ADAM23: variants seen among roughly 807,000 people sequenced by gnomAD.
ADAM23 encodes ADAM metallopeptidase domain 23.
In ADAM23, 33 loss-of-function variants were observed where a neutral mutation model predicts 120.1. That is an observed-to-expected ratio of 0.27 (90% confidence interval 0.21 to 0.37). The LOEUF is 0.37. Ranked by LOEUF, ADAM23 falls within the 10% of genes least tolerant of loss-of-function variation. The probability of loss-of-function intolerance (pLI) is 1.00; values close to 1 mark genes in which losing one functional copy is unlikely to be tolerated. For synonymous variants in ADAM23, 367 were observed against 375.2 expected (o/e 0.98, Z 0.25); for missense variants, 862 against 1,058.2 (o/e 0.81, Z 2.57).
At chr2:206,452,955 C>T (rs547990105) in intron 2 of ADAM23, among the ~76,000 whole-genome samples, 1 of 152,328 alleles carries the variant, frequency 6.6e-6, no homozygotes, top group South Asian at 2.1e-4. Flanking sequence ...ATCCATCAGT[C>T]CCACTGCTGA....
At chr2:206,464,631 A>G (rs965037153) in intron 2 of ADAM23, among the ~76,000 whole-genome samples, 1 of 151,530 alleles carries the variant, frequency 6.6e-6, no homozygotes, top group African/African-American at 2.4e-5. Context: ...GTGTTGAGGC[A>G]ACACATCTAG....
Position 206,460,764 on chromosome 2 carries a change from T to C in ADAM23, c.432+15240T>C, listed in dbSNP as rs74360564. On this transcript the variant is annotated intron_variant, in intron 2 of 25. Transcript: ENST00000264377. ...TTGATGCAGTCCGATTTATCTGTTA[T>C]TTATTTTGTTGCCTGTGCATTTGGT... 2.6e-3 allele frequency among the ~76,000 whole-genome samples: 399 copies of C among 152,342 alleles called. 2 individuals are homozygous for C. The highest frequency in any genetic ancestry group is 8.7e-3 in the African/African-American group (363 of 41,592).
At chr2:206,504,072 A>G (rs992104901) in intron 3 of ADAM23, among the ~76,000 whole-genome samples, 1 of 152,122 alleles carries the variant, frequency 6.6e-6, no homozygotes, top group Non-Finnish European at 1.5e-5. Flanking sequence ...TAACTTTTAT[A>G]TATCCTTGGT....
intron 2 of ADAM23, among the ~76,000 whole-genome samples, chr2:206,475,948 ACACT>A (rs1378334846): frequency 6.6e-6 from 1 of 152,194 alleles, no homozygotes; most frequent in Non-Finnish European, 1.5e-5. Flanking sequence ...TTACACACAC[ACACT>A]CACACACCTG....
rs532265682 is a variant in ADAM23, at chr2:206,479,079, G to T, written c.433-2153G>T. On this transcript the variant is annotated intron_variant, in intron 2 of 25. Transcript: ENST00000264377. ...AGGACTTAATATGTTTGTGTGGAAT[G>T]ATTGAATGCAAAAGCAAAAGGAAAA... is the stretch of plus-strand genomic sequence containing the variant. 2.0e-5 allele frequency among the ~76,000 whole-genome samples: 3 copies of T among 152,294 alleles called. No individual in the cohort carries two copies. In the East Asian group the frequency reaches 5.8e-4, roughly 29 times the overall value.
chr2:206,451,665 TAGTAAATGGCAGAGAGAGCC>T (rs1315783656), intron 2 of ADAM23, among the ~76,000 whole-genome samples: 1 of 152,194 alleles, frequency 6.6e-6, no homozygotes, highest in Non-Finnish European at 1.5e-5. Context: ...GACAAATAGC[TAGTAAATGGCAGAGAGAGCC>T]AGGATTTGAA....
At position 206,561,175 on chromosome 2, in the gene ADAM23, G is replaced by C. The variant is rs770560210; in HGVS notation, c.1217G>C (p.Gly406Ala). 1 of 1,613,896 alleles carries C rather than the reference G, an allele frequency of 6.2e-7. No homozygotes were observed. The highest frequency in any genetic ancestry group is 8.5e-7 in the Non-Finnish European group (1 of 1,179,958). Residue 406 changes from glycine to alanine, a missense_variant, in exon 12 of 26, where the codon GGT (glycine) becomes GCT (alanine). Gly to Ala is a moderately conservative substitution (Grantham distance 60). Transcript: ENST00000264377. ...AGAAGCAGTCTGAGTTACTTTGGAG[G>C]TGTCTGTTCTCGCACAAGAGGAGTT... is the stretch of plus-strand genomic sequence containing the variant. ...YKRSSLSYFG[G>A]VCSRTRGVGV...
intron 4 of ADAM23, among the ~76,000 whole-genome samples, chr2:206,533,642 C>T (rs1012188345): frequency 6.6e-6 from 1 of 152,192 alleles, no homozygotes; most frequent in African/African-American, 2.4e-5. Flanking sequence ...GACAGCATCC[C>T]AGGAATTAGT....
chr2:206,561,157 G>C lies in ADAM23; in HGVS notation c.1199G>C (p.Ser400Thr). Reference protein sequence around the residue: ...SRVTFHYKRSSLSYFGGVCSR... With the variant: ...SRVTFHYKRSTLSYFGGVCSR... Reference sequence around the variant, plus strand: ...GTGACATTTCACTATAAGAGAAGCAGTCTGAGTTACTTTGGAGGTGTCTGT... The same window carrying C: ...GTGACATTTCACTATAAGAGAAGCACTCTGAGTTACTTTGGAGGTGTCTGT... Residue 400 changes from serine to threonine, a missense_variant, in exon 12 of 26, where the codon AGT (serine) becomes ACT (threonine). This residue lies in a region of ADAM23 where 617 missense variants were observed against 813.5 expected (regional missense o/e 0.76). Transcript: ENST00000264377. 6.2e-7 allele frequency: 1 copy of C among 1,614,048 alleles called. No individual in the cohort carries two copies. The highest frequency in any genetic ancestry group is 1.1e-5 in the South Asian group (1 of 91,082).
intron 3 of ADAM23, among the ~76,000 whole-genome samples, chr2:206,512,585 T>C (rs984820026): frequency 1.3e-5 from 2 of 152,240 alleles, no homozygotes; most frequent in African/African-American, 4.8e-5. Context: ...TTTAGAATTA[T>C]TGGATGTTCT....
intron 6 of ADAM23, among the ~76,000 whole-genome samples, chr2:206,544,048 A>C (rs1184698559): frequency 6.6e-6 from 1 of 152,184 alleles, no homozygotes; most frequent in African/African-American, 2.4e-5. Context: ...GGGTGCACCT[A>C]AATCTCAGAA....
rs770560210 is a variant in ADAM23 at position 206,561,175 on chromosome 2, G to A, written c.1217G>A (p.Gly406Asp). The change falls in exon 12 of 26, where the codon GGT (glycine) becomes GAT (aspartate). Residue 406 changes from glycine (G) to aspartate (D), a missense_variant. Coordinates refer to ENST00000264377, the MANE Select transcript of ADAM23 (RefSeq NM_003812.4). The part of the protein sequence containing the change: ...YKRSSLSYFG[G>D]VCSRTRGVGV... ...AGAAGCAGTCTGAGTTACTTTGGAG[G>A]TGTCTGTTCTCGCACAAGAGGAGTT... The A allele has an allele frequency of 1.9e-6, 3 of 1,614,012 alleles. No homozygotes were observed. The highest frequency in any genetic ancestry group is 2.5e-6 in the Non-Finnish European group (3 of 1,179,950).
In ADAM23 at chr2:206,605,464, G is replaced by T. The variant is rs1193223853; in HGVS notation, c.2360-4446G>T. Among the ~76,000 whole-genome samples, 4 of 152,276 alleles carry T rather than the reference G, an allele frequency of 2.6e-5. No homozygotes were observed. The South Asian group carries it at 6.2e-4, about 24-fold the overall frequency. On this transcript the variant is annotated intron_variant, in intron 24 of 25. Coordinates refer to ENST00000264377, the MANE Select transcript of ADAM23 (RefSeq NM_003812.4). ...TCATTACTTTTGTAATTAAAATACA[G>T]ATTTGCTGTTATGCAATTTAAATTA...
At chr2:206,564,311 T>G (rs1009110013) in intron 13 of ADAM23, among the ~76,000 whole-genome samples, 6 of 152,146 alleles carry the variant, frequency 3.9e-5, no homozygotes, top group Non-Finnish European at 5.9e-5. Context: ...CAGTTTCTGG[T>G]ATCGAAGTTA....
intron 3 of ADAM23, among the ~76,000 whole-genome samples, chr2:206,494,163 A>G (rs2105887868): frequency 6.6e-6 from 1 of 152,304 alleles, no homozygotes; most frequent in South Asian, 2.1e-4. Flanking sequence ...TTTCAATTAT[A>G]CAATACAGTA....
intron 6 of ADAM23, among the ~76,000 whole-genome samples, chr2:206,544,500 C>T (rs911545401): frequency 3.9e-5 from 6 of 151,924 alleles, no homozygotes; most frequent in Admixed American, 3.9e-4. Flanking sequence ...ATGGGGCTTA[C>T]AGTCTACAGA....
intron 3 of ADAM23, among the ~76,000 whole-genome samples, chr2:206,512,683 A>G (rs889472892): frequency 2.6e-5 from 4 of 152,210 alleles, no homozygotes; most frequent in African/African-American, 7.2e-5. Flanking sequence ...AGCATCTGGA[A>G]GTGCCTTGAA....
At chr2:206,493,394 C>CG (rs34088381) in intron 3 of ADAM23, among the ~76,000 whole-genome samples, 2,802 of 152,090 alleles carry the variant, frequency 0.018, 32 homozygotes, top group Middle Eastern at 0.048. Flanking sequence ...TTTTTTGAGA[C>CG]GGAGTTTCGC....
At position 206,544,846 on chromosome 2, in the gene ADAM23, C is replaced by T. The variant is rs192761547; in HGVS notation, c.720+1530C>T. On this transcript the variant is annotated intron_variant, in intron 6 of 25. Transcript: ENST00000264377. The stretch of plus-strand genomic sequence containing the variant: ...CCAGGATGGAGTTAAATTTTTTATA[C>T]ATACACAGTTCCGGGAAGTCCACCA... 1.7e-3 allele frequency among the ~76,000 whole-genome samples: 257 copies of T among 152,026 alleles called. 1 individual carries two copies. The highest frequency in any genetic ancestry group is 2.9e-3 in the Non-Finnish European group (195 of 67,962).
Sources: gnomAD v4.1 joint callset for allele counts (sites outside exome capture counted in the v4.1 genomes callset) on GRCh38, gnomAD v4.1.1 for gene constraint, gnomAD v4.1.1 regional missense constraint, MANE v1.5 for transcripts, NCBI Gene and HGNC (gene_info 2026-07-23, HGNC 2026-07-21) for gene names.